VPS13B: variants seen among roughly 807,000 people sequenced by gnomAD.
VPS13B encodes the protein intermembrane lipid transfer protein VPS13B.
VPS13B carries 285 observed loss-of-function variants against 426.4 expected under a neutral mutation model. The observed-to-expected ratio is 0.67, with a 90% CI of 0.61 to 0.74. VPS13B has a LOEUF of 0.74. Ranked by LOEUF, VPS13B falls within the 30% of genes least tolerant of loss-of-function variation. The pLI, the probability that VPS13B is intolerant of heterozygous loss-of-function variation, is 0.00. For synonymous variants in VPS13B, 1,676 were observed against 1,676.4 expected (o/e 1.00, Z 0.01); for missense variants, 4,537 against 4,782.6 (o/e 0.95, Z 1.51).
intron 23 of VPS13B, among the ~76,000 whole-genome samples, chr8:99,445,731 T>C (rs1216937628): frequency 6.6e-6 from 1 of 152,114 alleles, no homozygotes; most frequent in African/African-American, 2.4e-5. Flanking sequence ...CTATTTACTC[T>C]CCATCTGAAC....
At chr8:99,404,781 A>C (rs766253265) in intron 21 of VPS13B, among the ~76,000 whole-genome samples, 2 of 152,196 alleles carry the variant, frequency 1.3e-5, no homozygotes, top group African/African-American at 2.4e-5. Context: ...ATCTTACCCT[A>C]CCCCATGTTA....
At chr8:99,826,210 T>C (rs1814674120) in intron 51 of VPS13B, among the ~76,000 whole-genome samples, 1 of 152,250 alleles carries the variant, frequency 6.6e-6, no homozygotes, top group African/African-American at 2.4e-5. Context: ...GAGCATGGAA[T>C]GTTTTTCCAT....
chr8:99,319,758 C>T (rs941141176), intron 19 of VPS13B, among the ~76,000 whole-genome samples: 1 of 152,150 alleles, frequency 6.6e-6, no homozygotes, highest in African/African-American at 2.4e-5. Flanking sequence ...CTACTTACCG[C>T]CTTCTTACTG....
In VPS13B at chr8:99,859,428, C is replaced by T. The variant is rs575051014; in HGVS notation, c.10992C>T (p.Phe3664=). ...GGCTGACCCGGGGCCCTGGAGCCTTCGTGAGTGGCGTCTCCAGAGGGACCA... is the reference window on the plus strand; with the variant it reads ...GGCTGACCCGGGGCCCTGGAGCCTTTGTGAGTGGCGTCTCCAGAGGGACCA... ...YEGLTRGPGA[F]VSGVSRGTTS... is the part of the protein sequence containing the mutation. Residue 3664 remains phenylalanine (F), a synonymous_variant, in exon 57 of 62, where the codon TTC becomes TTT. Coordinates refer to ENST00000357162, the MANE Select transcript of VPS13B (RefSeq NM_152564.5). 4.6e-5 allele frequency: 74 copies of T among 1,614,022 alleles called. No homozygotes were observed. The highest frequency in any genetic ancestry group is 3.3e-4 in the African/African-American group (25 of 74,982).
chr8:99,234,570 A>G (rs1006940648), intron 17 of VPS13B: 3 of 422,914 alleles, frequency 7.1e-6, no homozygotes, highest in Non-Finnish European at 1.4e-5. Context: ...CGTGGCTGGG[A>G]GCAGAGCTTG....
chr8:99,507,166 T>C lies in VPS13B; in HGVS notation c.4187T>C (p.Phe1396Ser). ...RPGEGWQSGHFEGVFLQCKEK... is the reference protein window; with the variant it reads ...RPGEGWQSGHSEGVFLQCKEK... Reference sequence around the variant, plus strand: ...GGGGAAGGTTGGCAGTCAGGACATTTTGAAGGAGTATTTCTACAATGCAAA... The same window carrying C: ...GGGGAAGGTTGGCAGTCAGGACATTCTGAAGGAGTATTTCTACAATGCAAA... Residue 1396 changes from phenylalanine (F) to serine (S), a missense_variant, in exon 28 of 62, where the codon TTT (phenylalanine) becomes TCT (serine). Phe to Ser is a radical substitution (Grantham distance 155, BLOSUM62 -2). Around this residue, in one of 2 missense-constraint regions of VPS13B, gnomAD observed 4,311 missense variants for 4,474.3 expected, o/e 0.96. Transcript: ENST00000357162. The C allele has an allele frequency of 6.2e-7, 1 of 1,613,978 alleles. No homozygotes were observed. Among genetic ancestry groups the C allele is most frequent in the Non-Finnish European group, 8.5e-7 (1 of 1,179,916 alleles).
chr8:99,161,503 C>G, intron 15 of VPS13B, among the ~76,000 whole-genome samples: 1 of 152,166 alleles, frequency 6.6e-6, no homozygotes, highest in East Asian at 1.9e-4. Flanking sequence ...TTAAAACTCA[C>G]ATTTCCAGTG....
intron 33 of VPS13B, among the ~76,000 whole-genome samples, chr8:99,606,632 T>C (rs1827600241): frequency 4.1e-5 from 6 of 147,252 alleles, no homozygotes; most frequent in East Asian, 3.9e-4. Flanking sequence ...TTCTTTTCTT[T>C]TTTTTTTTTT....
intron 35 of VPS13B, chr8:99,696,044 T>A (rs1831981570): frequency 6.5e-6 from 1 of 153,616 alleles, no homozygotes; most frequent in Non-Finnish European, 1.4e-5. Context: ...CCACCCCGTG[T>A]ACCCTTCCTT....
rs1164698054 is a variant in VPS13B, at chr8:99,187,833, TG to T, written c.2334-5041del. 3.9e-3 allele frequency among the ~76,000 whole-genome samples: 587 copies of T among 152,190 alleles called. 5 individuals are homozygous for T. The highest frequency in any genetic ancestry group is 0.013 in the African/African-American group (522 of 41,526). On this transcript the variant is annotated intron_variant, in intron 16 of 61. Coordinates refer to ENST00000357162, the MANE Select transcript of VPS13B (RefSeq NM_152564.5). ...AAAAATAAAAATTAGCCGGGCATGCTGGTATGCACCCATTGTCCCAGTTACT... is the reference window on the plus strand; with the variant it reads ...AAAAATAAAAATTAGCCGGGCATGCTGTATGCACCCATTGTCCCAGTTACT...
At chr8:99,759,059 G>A (rs182703200) in intron 39 of VPS13B, among the ~76,000 whole-genome samples, 25 of 151,858 alleles carry the variant, frequency 1.6e-4, no homozygotes, top group African/African-American at 4.8e-4. Flanking sequence ...CTTTGTTGTT[G>A]CCATCTACTA....
rs191655954 is a variant in VPS13B, at chr8:99,556,355, G to T, written c.4746-95G>T. The T allele has an allele frequency of 3.8e-6, 5 of 1,327,028 alleles. No individual in the cohort carries two copies. In the Admixed American group the frequency reaches 9.9e-5, roughly 26 times the overall value. The allele number at this position is 1,327,028 out of a possible 1,614,324, so 82.2% of individuals were successfully genotyped here. The stretch of plus-strand genomic sequence containing the variant: ...CATCAGTAATCCAAAGGAAAAAAAT[G>T]GTATTGACACTATGTTAGTGAACAA... On this transcript the variant is annotated intron_variant, in intron 30 of 61. Transcript: ENST00000357162.
intron 21 of VPS13B, among the ~76,000 whole-genome samples, chr8:99,430,327 C>G (rs2133408105): frequency 6.6e-6 from 1 of 152,170 alleles, no homozygotes; most frequent in Admixed American, 6.5e-5. Context: ...TGATATGGTA[C>G]TACTTATTTT....
intron 23 of VPS13B, among the ~76,000 whole-genome samples, chr8:99,466,257 G>T (rs1022712447): frequency 1.3e-5 from 2 of 151,872 alleles, no homozygotes; most frequent in Admixed American, 1.3e-4. Flanking sequence ...ATTATGAATG[G>T]TTTTGATATT....
At position 99,170,031 on chromosome 8, in the gene VPS13B, T is replaced by G. The variant is rs1426142075; in HGVS notation, c.2209-8T>G. ...TGTGAACACTTGCATCTTTTCTTTT[T>G]GTTTTAGATATTTGGTTTCCAGGCA... On this transcript the variant is annotated splice_polypyrimidine_tract_variant and splice_region_variant and intron_variant, in intron 15 of 61. Coordinates refer to ENST00000357162, the MANE Select transcript of VPS13B (RefSeq NM_152564.5). 1 of 1,612,316 alleles carries G rather than the reference T, an allele frequency of 6.2e-7. No homozygotes were observed. Among genetic ancestry groups the G allele is most frequent in the South Asian group, 1.1e-5 (1 of 91,052 alleles).
chr8:99,675,759 G>A (rs1052667079), intron 35 of VPS13B, among the ~76,000 whole-genome samples: 120 of 151,844 alleles, frequency 7.9e-4, no homozygotes, highest in African/African-American at 2.8e-3. Flanking sequence ...TTAGCTCATT[G>A]TATTTTTCAG....
At position 99,815,311 on chromosome 8, in the gene VPS13B, CCAAAG is replaced by C. The variant is rs546917541; in HGVS notation, c.8098-2228_8098-2224del. ...GAGAGCGAATAGTGTAAGTTCCAGT[CCAAAG>C]TCTGGCAAGTTCAAGACCCAAGAAG... On this transcript the variant is annotated intron_variant, in intron 44 of 61. Transcript: ENST00000357162. Among the ~76,000 whole-genome samples the C allele has an allele frequency of 2.4e-3, 367 of 152,122 alleles. 4 individuals are homozygous for C. The highest frequency in any genetic ancestry group is 8.5e-3 in the African/African-American group (352 of 41,498).
chr8:99,456,574 T>C (rs1818473966), intron 23 of VPS13B, among the ~76,000 whole-genome samples: 2 of 152,188 alleles, frequency 1.3e-5, no homozygotes, highest in Non-Finnish European at 2.9e-5. Flanking sequence ...GCTGTTACTA[T>C]TGTGTATTAA....
At chr8:99,204,227 T>C (rs1365314439) in intron 17 of VPS13B, among the ~76,000 whole-genome samples, 1 of 152,196 alleles carries the variant, frequency 6.6e-6, no homozygotes, top group Non-Finnish European at 1.5e-5. Flanking sequence ...CATCTGATCT[T>C]TGACAAACCC....
Sources: gnomAD v4.1 joint callset for allele counts (sites outside exome capture counted in the v4.1 genomes callset) on GRCh38, gnomAD v4.1.1 for gene constraint, gnomAD v4.1.1 regional missense constraint, MANE v1.5 for transcripts, NCBI Gene and HGNC (gene_info 2026-07-23, HGNC 2026-07-21) for gene names.